Variants in CPXM1 observed in about 807,000 individuals in gnomAD.
CPXM1 encodes carboxypeptidase X, M14 family member 1, also known as probable carboxypeptidase X1.
A neutral mutation model predicts 80.4 loss-of-function variants in CPXM1; 72 were observed. The ratio of observed to expected loss-of-function variants is 0.90; its 90% CI spans 0.74 to 1.09. The LOEUF (loss-of-function observed/expected upper bound fraction) is 1.09, where lower values mean the gene tolerates loss of function less well. CPXM1 is among the 50% of genes least tolerant of loss of function. The probability of loss-of-function intolerance (pLI) is 0.00; values close to 1 mark genes in which losing one functional copy is unlikely to be tolerated. For synonymous variants in CPXM1, 403 were observed against 405.6 expected (o/e 0.99, Z 0.08); for missense variants, 892 against 999.4 (o/e 0.89, Z 1.45).
chr20:2,795,472 C>G lies in CPXM1; in HGVS notation c.1721-56G>C, dbSNP rs548047354. Reference sequence around the variant, plus strand: ...CAGGCGGGATGCGGTCCCATCCTCCCGCTACCCTCCCTTCTCTGAGGGACA... The same window carrying G: ...CAGGCGGGATGCGGTCCCATCCTCCGGCTACCCTCCCTTCTCTGAGGGACA... On this transcript the variant is annotated intron_variant, in intron 11 of 13. Coordinates refer to ENST00000380605, the MANE Select transcript of CPXM1 (RefSeq NM_019609.5). The surrounding 1 kb of genome is among the most constrained non-coding windows in gnomAD (Gnocchi z 5.4). 2 of 1,596,392 alleles carry G rather than the reference C, an allele frequency of 1.3e-6. No individual in the cohort carries two copies. The highest frequency in any genetic ancestry group is 8.6e-7 in the Non-Finnish European group (1 of 1,168,022).
At position 2,794,759 on chromosome 20, in the gene CPXM1, A is replaced by G; in HGVS notation, c.1861-120T>C. On this transcript the variant is annotated intron_variant, in intron 12 of 13. Transcript: ENST00000380605. This position sits in a 1 kb window ranked among gnomAD's most constrained non-coding sequence, Gnocchi z 5.2. Reference sequence around the variant, plus strand: ...AAAGTGGTAGGTCTACTGTGTTCCTAGGTGACACTACTTCTGGAAGAAAAA... The same window carrying G: ...AAAGTGGTAGGTCTACTGTGTTCCTGGGTGACACTACTTCTGGAAGAAAAA... 1.5e-6 allele frequency: 1 copy of G among 676,770 alleles called. No homozygotes were observed. The allele number at this position is 676,770 out of a possible 1,614,324, so 41.9% of individuals were successfully genotyped here.
Position 2,798,743 on chromosome 20 carries a change from GC to G in CPXM1, c.322del (p.Ala108LeufsTer133). 1 of 1,612,436 alleles carries G rather than the reference GC, an allele frequency of 6.2e-7. No individual in the cohort carries two copies. The highest frequency in any genetic ancestry group is 8.5e-7 in the Non-Finnish European group (1 of 1,179,394). ...TPTPAGTLDP[A>X]EKQETGCPPL... ...GGAAGTACCTGTTTCTTGTTTCTCA[GC>G]GGGGTCGAGGGTCCCTGCTGGAGTG... On this transcript the variant is annotated frameshift_variant, in exon 2 of 14. Coordinates refer to ENST00000380605, the MANE Select transcript of CPXM1 (RefSeq NM_019609.5). LOFTEE classifies it high-confidence loss of function.
rs149794908 is a variant in CPXM1 at position 2,794,294 on chromosome 20, T to C, written c.2101A>G (p.Thr701Ala). 4 of 1,614,120 alleles carry C rather than the reference T, an allele frequency of 2.5e-6. No individual in the cohort carries two copies. In the East Asian group the frequency reaches 6.7e-5, roughly 27 times the overall value. The change falls in exon 14 of 14, where the codon ACC becomes GCC. Residue 701 changes from threonine (T) to alanine (A), a missense_variant. By Grantham distance (58) the Thr-to-Ala change is moderately conservative. This residue lies in a region of CPXM1 where 874 missense variants were observed against 958.4 expected (regional missense o/e 0.91). Coordinates refer to ENST00000380605, the MANE Select transcript of CPXM1 (RefSeq NM_019609.5). This position sits in a 1 kb window ranked among gnomAD's most constrained non-coding sequence, Gnocchi z 5.2. ...CGCAGCCTCTGTTTGGGAGTCTTGG[T>C]GAGCACGAAATTGCAGGGGAAGGGG... Reference protein sequence around the residue: ...EGPFPCNFVLTKTPKQRLREL... With the variant: ...EGPFPCNFVLAKTPKQRLREL...
rs41310169 is a variant in CPXM1, at chr20:2,796,329, C to T, written c.1160G>A (p.Arg387Gln). ...CATCTCAGAGAGCAGCCGGGTCACC[C>T]GTGGGTTCCCTCGCAGGAACTCATG... Reference protein sequence around the residue: ...LCHEFLRGNPRVTRLLSEMRI... With the variant: ...LCHEFLRGNPQVTRLLSEMRI... The change falls in exon 9 of 14, where the codon CGG (arginine) becomes CAG (glutamine). Residue 387 changes from arginine (R) to glutamine (Q), a missense_variant. Physicochemically the swap from Arg to Gln is conservative, Grantham distance 43. This residue lies in a region of CPXM1 where 874 missense variants were observed against 958.4 expected (regional missense o/e 0.91). Transcript: ENST00000380605. This position sits in a 1 kb window ranked among gnomAD's most constrained non-coding sequence, Gnocchi z 6.8. 14,381 of 1,613,984 alleles carry T rather than the reference C, an allele frequency of 8.9e-3. 81 individuals are homozygous for T. Among genetic ancestry groups the T allele is most frequent in the Non-Finnish European group, 0.01 (12,245 of 1,179,986 alleles).
At position 2,796,251 on chromosome 20, in the gene CPXM1, T is replaced by C. The variant is rs1205494896; in HGVS notation, c.1238A>G (p.His413Arg). The C allele has an allele frequency of 1.2e-6, 2 of 1,612,952 alleles. No individual in the cohort carries two copies. Among genetic ancestry groups the C allele is most frequent in the East Asian group, 2.2e-5 (1 of 44,864 alleles). The change falls in exon 9 of 14, where the codon CAC becomes CGC. Residue 413 changes from histidine (H) to arginine (R), a missense_variant. Physicochemically the swap from His to Arg is conservative, Grantham distance 29 (BLOSUM62 0). This residue lies in a region of CPXM1 where 874 missense variants were observed against 958.4 expected (regional missense o/e 0.91). Coordinates refer to ENST00000380605, the MANE Select transcript of CPXM1 (RefSeq NM_019609.5). This position sits in a 1 kb window ranked among gnomAD's most constrained non-coding sequence, Gnocchi z 6.8. ...MNPDGYEIAY[H>R]RGSELVGWAE... ...CCCTCATGCTGGGTGGCCTACCCGGTGGTAGGCGATCTCATAGCCATCAGG... is the reference window on the plus strand; with the variant it reads ...CCCTCATGCTGGGTGGCCTACCCGGCGGTAGGCGATCTCATAGCCATCAGG...
At chr20:2,798,104 C>T in intron 4 of CPXM1, 46 bp from the exon 5 acceptor site, 1 of 1,613,446 alleles carries the variant, frequency 6.2e-7, no homozygotes, top group Non-Finnish European at 8.5e-7. Flanking sequence ...CCAGGACTCC[C>T]ACCCCAGTCC....
rs372944936 is a variant in CPXM1, at chr20:2,794,410, C to T, written c.1985G>A (p.Arg662His). 4.5e-5 allele frequency: 72 copies of T among 1,614,102 alleles called. No homozygotes were observed. Among genetic ancestry groups the T allele is most frequent in the Non-Finnish European group, 5.2e-5 (61 of 1,179,984 alleles). ...CATGTAGTCCCCTGGGGTCAGCAGA[C>T]GCCAATAATCCCCGCCCCACGCTGA... Reference protein sequence around the residue: ...VTTAWGGDYWRLLTPGDYMVT... With the variant: ...VTTAWGGDYWHLLTPGDYMVT... Residue 662 changes from arginine to histidine, a missense_variant, in exon 14 of 14, where the codon CGT becomes CAT. Transcript: ENST00000380605. This position sits in a 1 kb window ranked among gnomAD's most constrained non-coding sequence, Gnocchi z 5.2.
chr20:2,798,592 G>A lies in CPXM1; in HGVS notation c.341-55C>T, dbSNP rs1055685754. Reference sequence around the variant, plus strand: ...ACCAGAGGGAGGGTAGCCAGGGCAGGTGGGAAGCTGAGCCTAAGGTTGCTC... The same window carrying A: ...ACCAGAGGGAGGGTAGCCAGGGCAGATGGGAAGCTGAGCCTAAGGTTGCTC... On this transcript the variant is annotated intron_variant, in intron 2 of 13. Coordinates refer to ENST00000380605, the MANE Select transcript of CPXM1 (RefSeq NM_019609.5). The A allele has an allele frequency of 4.5e-6, 7 of 1,567,682 alleles. No homozygotes were observed. The African/African-American group carries it at 9.5e-5, about 21-fold the overall frequency.
chr20:2,795,205 T>C lies in CPXM1; in HGVS notation c.1860+72A>G, dbSNP rs1368547798. 6.5e-6 allele frequency: 10 copies of C among 1,549,424 alleles called. No homozygotes were observed. The East Asian group carries it at 2.3e-4, about 35-fold the overall frequency. On this transcript the variant is annotated intron_variant, in intron 12 of 13. Coordinates refer to ENST00000380605, the MANE Select transcript of CPXM1 (RefSeq NM_019609.5). The surrounding 1 kb of genome is among the most constrained non-coding windows in gnomAD (Gnocchi z 5.4). ...CTCAGCTGGACCTTAGAAGAACCCCTGGTAGGAGCTGTAGCCTAAATGGAC... is the reference window on the plus strand; with the variant it reads ...CTCAGCTGGACCTTAGAAGAACCCCCGGTAGGAGCTGTAGCCTAAATGGAC...
rs1186522463 is a variant in CPXM1 at position 2,795,550 on chromosome 20, C to T, written c.1720+49G>A. 1 of 1,594,720 alleles carries T rather than the reference C, an allele frequency of 6.3e-7. No homozygotes were observed. The highest frequency in any genetic ancestry group is 2.2e-5 in the East Asian group (1 of 44,520). On this transcript the variant is annotated intron_variant, in intron 11 of 13. Transcript: ENST00000380605. The surrounding 1 kb of genome is among the most constrained non-coding windows in gnomAD (Gnocchi z 5.4). ...TGTACGCAACCGCAGGCTGTCTTATCAGGGCGGGGGTTACGGGGCCAGGGC... is the reference window on the plus strand; with the variant it reads ...TGTACGCAACCGCAGGCTGTCTTATTAGGGCGGGGGTTACGGGGCCAGGGC...
Position 2,800,417 on chromosome 20 carries a change from C to G in CPXM1, c.156G>C (p.Pro52=). The change falls in exon 1 of 14, where the codon CCG becomes CCC. Residue 52 remains proline, a synonymous_variant. Coordinates refer to ENST00000380605, the MANE Select transcript of CPXM1 (RefSeq NM_019609.5). ...PALHSSPAQP[P]AETANGTSEQ... ...GGAACTCACCGTTAGCTGTCTCCGCCGGCGGCTGTGCCGGGCTGCTATGCA... is the reference window on the plus strand; with the variant it reads ...GGAACTCACCGTTAGCTGTCTCCGCGGGCGGCTGTGCCGGGCTGCTATGCA... The G allele has an allele frequency of 6.5e-7, 1 of 1,529,534 alleles. No individual in the cohort carries two copies. Among genetic ancestry groups the G allele is most frequent in the Admixed American group, 2.0e-5 (1 of 49,262 alleles). 94.7% of individuals were successfully genotyped at this position (1,529,534 alleles called of 1,614,324 possible). A position where few individuals can be genotyped will look rare whatever the true frequency, so the allele number is the denominator to read the frequency against.
rs1415569868 is a variant in CPXM1 at position 2,795,014 on chromosome 20, A to G, written c.1860+263T>C. 1.3e-5 allele frequency among the ~76,000 whole-genome samples: 2 copies of G among 152,130 alleles called. No individual in the cohort carries two copies. Among genetic ancestry groups the G allele is most frequent in the Admixed American group, 1.3e-4 (2 of 15,278 alleles). On this transcript the variant is annotated intron_variant, in intron 12 of 13. Transcript: ENST00000380605. This position sits in a 1 kb window ranked among gnomAD's most constrained non-coding sequence, Gnocchi z 5.4. ...TGCCTCACGTGAGTCTCTCCTGAGG[A>G]TAGCTCTGGGGCAGCGCCACGGACC...
chr20:2,796,460 G>A lies in CPXM1; in HGVS notation c.1046-17C>T, dbSNP rs1600266611. 1 of 1,613,486 alleles carries A rather than the reference G, an allele frequency of 6.2e-7. No homozygotes were observed. Among genetic ancestry groups the A allele is most frequent in the East Asian group, 2.2e-5 (1 of 44,880 alleles). On this transcript the variant is annotated splice_polypyrimidine_tract_variant and intron_variant, in intron 8 of 13. Transcript: ENST00000380605. The surrounding 1 kb of genome is among the most constrained non-coding windows in gnomAD (Gnocchi z 6.8). The stretch of plus-strand genomic sequence containing the variant: ...CAGGCTCCCCTGGGGACACATGGGG[G>A]CTTGCAGCGGGTTCATGCCTGGGGC...
Position 2,794,370 on chromosome 20 carries a change from G to T in CPXM1, c.2025C>A (p.Ala675=), listed in dbSNP as rs150179711. The T allele has an allele frequency of 6.2e-7, 1 of 1,613,998 alleles. No homozygotes were observed. The highest frequency in any genetic ancestry group is 8.5e-7 in the Non-Finnish European group (1 of 1,180,034). ...TPGDYMVTAS[A]EGYHSVTRNC... is the part of the protein sequence containing the mutation. Reference sequence around the variant, plus strand: ...TCCGTGTCACTGAATGGTAGCCCTCGGCACTGGCAGTCACCATGTAGTCCC... The same window carrying T: ...TCCGTGTCACTGAATGGTAGCCCTCTGCACTGGCAGTCACCATGTAGTCCC... Residue 675 remains alanine, a synonymous_variant, in exon 14 of 14, where the codon GCC becomes GCA. Transcript: ENST00000380605. The surrounding 1 kb of genome is among the most constrained non-coding windows in gnomAD (Gnocchi z 5.2).
chr20:2,798,013 A>T lies in CPXM1; in HGVS notation c.636T>A (p.Ser212Arg), dbSNP rs776498170. The T allele has an allele frequency of 2.5e-6, 4 of 1,614,014 alleles. No homozygotes were observed. Among genetic ancestry groups the T allele is most frequent in the African/African-American group, 1.3e-5 (1 of 74,900 alleles). The change falls in exon 5 of 14, where the codon AGT becomes AGA. Residue 212 changes from serine (S) to arginine (R), a missense_variant. By Grantham distance (110) the Ser-to-Arg change is moderately radical. Around this residue, in one of 2 missense-constraint regions of CPXM1, gnomAD observed 874 missense variants for 958.4 expected, o/e 0.91. Transcript: ENST00000380605. ...TSYKVQFSND[S>R]RTWWGSRNHS... ...GGTTCCTACTTCCCCACCAGGTCCG[A>T]CTGTCATTGCTGAACTGGACCTTGT...
At chr20:2,797,491 C>T (rs924085018) in intron 5 of CPXM1, 149 bp from the exon 6 acceptor site, 47 of 890,894 alleles carry the variant, frequency 5.3e-5, no homozygotes, top group Middle Eastern at 3.3e-4. Context: ...ACACAGACCC[C>T]GGCCCACAGC....
chr20:2,795,574 G>A lies in CPXM1; in HGVS notation c.1720+25C>T. ...TCAGGGCGGGGGTTACGGGGCCAGG[G>A]CTAACTCCACCCTCAGGCACATACT... is the stretch of plus-strand genomic sequence containing the variant. On this transcript the variant is annotated intron_variant, in intron 11 of 13. Transcript: ENST00000380605. This position sits in a 1 kb window ranked among gnomAD's most constrained non-coding sequence, Gnocchi z 5.4. 6.2e-7 allele frequency: 1 copy of A among 1,607,174 alleles called. No individual in the cohort carries two copies. Among genetic ancestry groups the A allele is most frequent in the Non-Finnish European group, 8.5e-7 (1 of 1,174,924 alleles).
chr20:2,794,443 G>A lies in CPXM1; in HGVS notation c.1964-12C>T. On this transcript the variant is annotated splice_polypyrimidine_tract_variant and intron_variant, in intron 13 of 13. Coordinates refer to ENST00000380605, the MANE Select transcript of CPXM1 (RefSeq NM_019609.5). This position sits in a 1 kb window ranked among gnomAD's most constrained non-coding sequence, Gnocchi z 5.2. ...ATCCCCGCCCCACGCTGAGGAGAGT[G>A]AAGGGCACGATCAGGACCCAATTAA... 2 of 1,613,528 alleles carry A rather than the reference G, an allele frequency of 1.2e-6. No individual in the cohort carries two copies. Among genetic ancestry groups the A allele is most frequent in the Non-Finnish European group, 1.7e-6 (2 of 1,179,514 alleles).
At position 2,800,621 on chromosome 20, in the gene CPXM1, C is replaced by G. The variant is rs937225853; in HGVS notation, c.-49G>C. On this transcript the variant is annotated 5_prime_UTR_variant, in exon 1 of 14. Transcript: ENST00000380605. ...GCGCGGGCTACGGCGGGTGGCGGGTCGGTCTCTTCCTGCCGAGTGCGCCGA... is the reference window on the plus strand; with the variant it reads ...GCGCGGGCTACGGCGGGTGGCGGGTGGGTCTCTTCCTGCCGAGTGCGCCGA... 106 of 1,296,104 alleles carry G rather than the reference C, an allele frequency of 8.2e-5. 1 individual carries two copies. The African/African-American group carries it at 1.3e-3, about 16-fold the overall frequency. The allele number at this position is 1,296,104 out of a possible 1,614,324, so 80.3% of individuals were successfully genotyped here. A position where few individuals can be genotyped will look rare whatever the true frequency, so the allele number is the denominator to read the frequency against.
Sources: gnomAD v4.1 joint callset for allele counts (sites outside exome capture counted in the v4.1 genomes callset) on GRCh38, gnomAD v4.1.1 for gene constraint, gnomAD v4.1.1 regional missense constraint, Gnocchi (gnomAD v3.1) non-coding constraint, MANE v1.5 for transcripts, NCBI Gene and HGNC (gene_info 2026-07-23, HGNC 2026-07-21) for gene names.